The following TSPAN18 variants were observed in gnomAD, a reference collection of about 807,000 sequenced individuals.
TSPAN18 encodes the protein tetraspanin 18, also known as tetraspanin-18.
In TSPAN18, 14 loss-of-function variants were observed where a neutral mutation model predicts 27.3. The observed-to-expected ratio is 0.51, with a 90% CI of 0.34 to 0.80. The LOEUF is 0.80. Ranked by LOEUF, TSPAN18 falls within the 30% of genes least tolerant of loss-of-function variation. The pLI is 0.01. For synonymous variants in TSPAN18, 143 were observed against 136.5 expected, an observed-to-expected ratio of 1.05 and a Z score of -0.33; for missense variants, 268 against 323.9, an observed-to-expected ratio of 0.83 and a Z score of 1.32.
At chr11:44,875,829 G>A (rs1209404634) in intron 3 of TSPAN18, among the ~76,000 whole-genome samples, 1 of 152,196 alleles carries the variant, frequency 6.6e-6, no homozygotes, top group Non-Finnish European at 1.5e-5. Flanking sequence ...CGCCTCATCC[G>A]TGCCCTGGTG....
At chr11:44,862,045 G>A (rs1157693861) in intron 3 of TSPAN18, among the ~76,000 whole-genome samples, 2 of 152,090 alleles carry the variant, frequency 1.3e-5, no homozygotes, top group Non-Finnish European at 2.9e-5. Flanking sequence ...TGGCTGAGGG[G>A]AGTTTCTTGA....
At chr11:44,802,426 G>T (rs2135072551) in intron 2 of TSPAN18, among the ~76,000 whole-genome samples, 1 of 152,300 alleles carries the variant, frequency 6.6e-6, no homozygotes, top group Admixed American at 6.5e-5. Flanking sequence ...AGCCTTCAGA[G>T]AGTTTTAAGC....
intron 2 of TSPAN18, among the ~76,000 whole-genome samples, chr11:44,824,196 C>T (rs1399030905): frequency 3.3e-5 from 5 of 152,220 alleles, no homozygotes; most frequent in Admixed American, 6.5e-5. Flanking sequence ...TGAATTTCCC[C>T]TCCGCTAGGG....
intron 1 of TSPAN18, among the ~76,000 whole-genome samples, chr11:44,749,033 C>T (rs1420878939): frequency 6.6e-6 from 1 of 152,148 alleles, no homozygotes; most frequent in Non-Finnish European, 1.5e-5. Context: ...AAGTACCTGG[C>T]CCAGCATCAT....
chr11:44,925,872 T>C (rs1860332685), intron 8 of TSPAN18: 1 of 151,518 alleles, frequency 6.6e-6, no homozygotes, highest in Non-Finnish European at 1.5e-5. Context: ...ATGACAGAGG[T>C]GTGAGGTGCT....
chr11:44,809,767 G>T (rs1277429028), intron 2 of TSPAN18, among the ~76,000 whole-genome samples: 1 of 152,174 alleles, frequency 6.6e-6, no homozygotes, highest in Non-Finnish European at 1.5e-5. Flanking sequence ...TAAACCTCAG[G>T]TTCCACTTCT....
In TSPAN18 at chr11:44,798,060, A is replaced by T. The variant is rs116019300; in HGVS notation, c.-153+33548A>T. On this transcript the variant is annotated intron_variant, in intron 2 of 9. Coordinates refer to ENST00000520358, the MANE Select transcript of TSPAN18 (RefSeq NM_130783.5). ...CCTTTTTTTGTTGCTGAGGTTATTA[A>T]CATCTGAACACACTTCTAGAAAGGC... Among the ~76,000 whole-genome samples, 498 of 152,230 alleles carry T rather than the reference A, an allele frequency of 3.3e-3. 3 individuals are homozygous for T. Among genetic ancestry groups the T allele is most frequent in the African/African-American group, 0.011 (476 of 41,536 alleles).
At chr11:44,806,445 A>G (rs760503459) in intron 2 of TSPAN18, among the ~76,000 whole-genome samples, 8 of 152,196 alleles carry the variant, frequency 5.3e-5, no homozygotes, top group Non-Finnish European at 7.3e-5. Flanking sequence ...ACAGATAAGG[A>G]CGACACTGTT....
At chr11:44,866,879 G>A (rs1035299509) in intron 3 of TSPAN18, among the ~76,000 whole-genome samples, 1 of 152,036 alleles carries the variant, frequency 6.6e-6, no homozygotes, top group Admixed American at 6.6e-5. Context: ...CACCATCTTC[G>A]GAAAGAAGAG....
At chr11:44,895,736 G>C (rs1401837242) in intron 3 of TSPAN18, among the ~76,000 whole-genome samples, 1 of 152,174 alleles carries the variant, frequency 6.6e-6, no homozygotes, top group African/African-American at 2.4e-5. Context: ...CTTGTCTCTG[G>C]GTTGGCCTAT....
chr11:44,736,092 A>T (rs1854786307), intron 1 of TSPAN18: 1 of 152,192 alleles, frequency 6.6e-6, no homozygotes, highest in South Asian at 2.1e-4. Flanking sequence ...AAGTTCATAC[A>T]CCTATACAAC....
rs145986925 is a variant in TSPAN18 at position 44,884,527 on chromosome 11, G to A, written c.-10-21880G>A. Among the ~76,000 whole-genome samples, 479 of 152,292 alleles carry A rather than the reference G, an allele frequency of 3.1e-3. 2 individuals carry two copies. Among genetic ancestry groups the A allele is most frequent in the African/African-American group, 0.011 (456 of 41,566 alleles). ...CTCTTCTGTTGGAAAGATCCCCCCT[G>A]TGCGGTTCAGCCCCTCACATTCCCC... On this transcript the variant is annotated intron_variant, in intron 3 of 9. Transcript: ENST00000520358.
At chr11:44,882,278 G>C (rs1858508763) in intron 3 of TSPAN18, among the ~76,000 whole-genome samples, 1 of 152,114 alleles carries the variant, frequency 6.6e-6, no homozygotes, top group Admixed American at 6.5e-5. Flanking sequence ...TTAATTAAGG[G>C]GCAGCTGGGG....
intron 1 of TSPAN18, among the ~76,000 whole-genome samples, chr11:44,737,424 C>T (rs976875391): frequency 6.6e-6 from 1 of 152,122 alleles, no homozygotes; most frequent in African/African-American, 2.4e-5. Flanking sequence ...CACTCCCTGA[C>T]GTCTCCAGCA....
chr11:44,852,565 T>A (rs897529568), intron 2 of TSPAN18, among the ~76,000 whole-genome samples: 7 of 152,234 alleles, frequency 4.6e-5, no homozygotes, highest in Admixed American at 4.6e-4. Flanking sequence ...GGGGCCTTCT[T>A]TGTGCAAACA....
chr11:44,778,304 CTCA>C (rs1293603326), intron 2 of TSPAN18, among the ~76,000 whole-genome samples: 1 of 151,840 alleles, frequency 6.6e-6, no homozygotes, highest in Admixed American at 6.6e-5. Flanking sequence ...GAGTTTCTCC[CTCA>C]TCTCCCCTTT....
chr11:44,742,495 C>T (rs554545371), intron 1 of TSPAN18, among the ~76,000 whole-genome samples: 8 of 152,184 alleles, frequency 5.3e-5, no homozygotes, highest in Admixed American at 2.6e-4. Context: ...AAGGTAGTGG[C>T]ATAGTCATCC....
rs368903162 is a variant in TSPAN18, at chr11:44,819,587, A to G, written c.-152-40741A>G. Reference sequence around the variant, plus strand: ...ACAGTCAACATGGAACTCCTAATTAATAGACGCTCATGCTGCTCTTGGGCA... The same window carrying G: ...ACAGTCAACATGGAACTCCTAATTAGTAGACGCTCATGCTGCTCTTGGGCA... On this transcript the variant is annotated intron_variant, in intron 2 of 9. Coordinates refer to ENST00000520358, the MANE Select transcript of TSPAN18 (RefSeq NM_130783.5). 1.6e-4 allele frequency among the ~76,000 whole-genome samples: 25 copies of G among 152,260 alleles called. No homozygotes were observed. In the East Asian group the frequency reaches 4.4e-3, roughly 27 times the overall value.
At chr11:44,751,190 A>G (rs1205815625) in intron 1 of TSPAN18, among the ~76,000 whole-genome samples, 1 of 152,204 alleles carries the variant, frequency 6.6e-6, no homozygotes, top group Non-Finnish European at 1.5e-5. Flanking sequence ...GAAGAAACAC[A>G]TGTGAATTCA....
Sources: allele counts gnomAD v4.1 joint callset (sites outside exome capture counted in the v4.1 genomes callset), GRCh38; gene constraint gnomAD v4.1.1; transcripts MANE v1.5; gene names NCBI Gene and HGNC (gene_info 2026-07-23, HGNC 2026-07-21).